CNBD1: variants seen among roughly 807,000 people sequenced by gnomAD.
CNBD1 encodes cyclic nucleotide-binding domain-containing protein 1.
In CNBD1, 71 loss-of-function variants were observed where a neutral mutation model predicts 54.4. The observed-to-expected ratio is 1.30, with a 90% CI of 1.08 to 1.59. The LOEUF (loss-of-function observed/expected upper bound fraction) is 1.59, where lower values mean the gene tolerates loss of function less well. CNBD1 is among the 40% of genes most tolerant of loss of function. The pLI is 0.00. For synonymous variants in CNBD1, 182 were observed against 170.7 expected, an observed-to-expected ratio of 1.07 and a Z score of -0.51; for missense variants, 659 against 518.0, an observed-to-expected ratio of 1.27 and a Z score of -2.64.
intron 3 of CNBD1, among the ~76,000 whole-genome samples, chr8:86,936,777 A>G (rs1164935519): frequency 1.3e-5 from 2 of 151,980 alleles, no homozygotes; most frequent in East Asian, 3.9e-4. Flanking sequence ...AGGGATTAAG[A>G]ATAATCTAAA....
chr8:86,977,483 C>T (rs758063954), intron 4 of CNBD1, among the ~76,000 whole-genome samples: 2 of 151,948 alleles, frequency 1.3e-5, no homozygotes, highest in Non-Finnish European at 2.9e-5. Flanking sequence ...AAACATTTAA[C>T]TAGGTTAGCT....
chr8:86,923,442 A>G (rs1809308515), intron 3 of CNBD1, among the ~76,000 whole-genome samples: 1 of 152,092 alleles, frequency 6.6e-6, no homozygotes. Context: ...ATGGGGAGAT[A>G]CGGTTTTTCC....
chr8:87,003,987 G>A (rs1809044487), intron 4 of CNBD1, among the ~76,000 whole-genome samples: 1 of 152,084 alleles, frequency 6.6e-6, no homozygotes, highest in African/African-American at 2.4e-5. Flanking sequence ...AAAGAACAAG[G>A]AATGAATCTA....
At chr8:87,258,208 G>A (rs569412868) in intron 6 of CNBD1, among the ~76,000 whole-genome samples, 18 of 152,086 alleles carry the variant, frequency 1.2e-4, no homozygotes, top group East Asian at 1.2e-3. Context: ...TATGTTAAAT[G>A]TTTAAAACAC....
In CNBD1 at chr8:86,999,911, C is replaced by T. The variant is rs142237007; in HGVS notation, c.431+60157C>T. Among the ~76,000 whole-genome samples, 105 of 152,298 alleles carry T rather than the reference C, an allele frequency of 6.9e-4. 2 individuals carry two copies. In the East Asian group the frequency reaches 0.015, roughly 22 times the overall value. Reference sequence around the variant, plus strand: ...AGGGGCACAGTTGCTTAGCGTGTTGCGCCCACATATTCTGCAACATTGCAA... The same window carrying T: ...AGGGGCACAGTTGCTTAGCGTGTTGTGCCCACATATTCTGCAACATTGCAA... On this transcript the variant is annotated intron_variant, in intron 4 of 10. Coordinates refer to ENST00000518476, the MANE Select transcript of CNBD1 (RefSeq NM_173538.3).
intron 4 of CNBD1, among the ~76,000 whole-genome samples, chr8:87,054,981 T>G (rs1810384094): frequency 6.6e-6 from 1 of 152,156 alleles, no homozygotes; most frequent in Non-Finnish European, 1.5e-5. Context: ...AGAACAAAAC[T>G]GAGAACGAGA....
chr8:87,370,571 G>C (rs1183809867), intron 10 of CNBD1, among the ~76,000 whole-genome samples: 5 of 151,992 alleles, frequency 3.3e-5, no homozygotes, highest in Non-Finnish European at 7.4e-5. Flanking sequence ...TTTTGATGGG[G>C]TTGTTTGTTT....
At chr8:87,290,000 C>A (rs868061944) in intron 8 of CNBD1, among the ~76,000 whole-genome samples, 6 of 152,134 alleles carry the variant, frequency 3.9e-5, no homozygotes, top group Admixed American at 6.6e-5. Context: ...CATATTAATT[C>A]TTTTAATAAT....
At chr8:87,221,259 G>A (rs1049474691) in intron 5 of CNBD1, among the ~76,000 whole-genome samples, 1 of 152,012 alleles carries the variant, frequency 6.6e-6, no homozygotes, top group Admixed American at 6.6e-5. Flanking sequence ...TGAACATTGT[G>A]TAATTGGTTA....
At chr8:87,193,828 G>A (rs1041028294) in intron 4 of CNBD1, among the ~76,000 whole-genome samples, 1 of 152,172 alleles carries the variant, frequency 6.6e-6, no homozygotes, top group Non-Finnish European at 1.5e-5. Context: ...TAAAGAGAAT[G>A]TTCAGCTCCT....
intron 4 of CNBD1, among the ~76,000 whole-genome samples, chr8:86,968,981 T>C (rs1490048869): frequency 2.0e-5 from 3 of 152,170 alleles, no homozygotes; most frequent in African/African-American, 7.2e-5. Flanking sequence ...ACAAGGAATT[T>C]TCTTGTGGGC....
At chr8:87,342,289 A>T (rs146554667) in intron 8 of CNBD1, among the ~76,000 whole-genome samples, 1 of 151,944 alleles carries the variant, frequency 6.6e-6, no homozygotes, top group Admixed American at 6.5e-5. Context: ...AAAAAAAAAA[A>T]AAAGAAAACT....
At chr8:87,281,040 G>T (rs762879635) in intron 6 of CNBD1, among the ~76,000 whole-genome samples, 1 of 151,346 alleles carries the variant, frequency 6.6e-6, no homozygotes, top group Non-Finnish European at 1.5e-5. Flanking sequence ...TTTAAGAACT[G>T]CTATATTTAT....
chr8:87,202,786 T>C (rs1272833704), intron 4 of CNBD1, among the ~76,000 whole-genome samples: 1 of 152,072 alleles, frequency 6.6e-6, no homozygotes, highest in African/African-American at 2.4e-5. Context: ...GAATTCCAAA[T>C]AGAAGGCCTC....
At chr8:86,870,590 T>C (rs1808430025) in intron 1 of CNBD1, among the ~76,000 whole-genome samples, 1 of 152,214 alleles carries the variant, frequency 6.6e-6, no homozygotes, top group Non-Finnish European at 1.5e-5. Context: ...TGTGTCATCA[T>C]TCCTAAGCGT....
At chr8:87,084,222 A>G (rs912374655) in intron 4 of CNBD1, among the ~76,000 whole-genome samples, 2 of 152,208 alleles carry the variant, frequency 1.3e-5, no homozygotes, top group Non-Finnish European at 2.9e-5. Flanking sequence ...TCTTATAAAG[A>G]CATTTTTAAA....
At chr8:87,114,722 C>T (rs554208282) in intron 4 of CNBD1, among the ~76,000 whole-genome samples, 73 of 152,210 alleles carry the variant, frequency 4.8e-4, no homozygotes, top group African/African-American at 1.7e-3. Context: ...TTGCAAGTAC[C>T]GTGTCTGCTG....
intron 4 of CNBD1, among the ~76,000 whole-genome samples, chr8:87,173,538 A>G (rs1223700151): frequency 1.3e-5 from 2 of 152,160 alleles, no homozygotes; most frequent in Admixed American, 1.3e-4. Context: ...TGTTTGAAGG[A>G]TATTTTCACT....
intron 4 of CNBD1, among the ~76,000 whole-genome samples, chr8:87,048,515 A>G (rs777794202): frequency 4.6e-5 from 7 of 152,120 alleles, no homozygotes; most frequent in Non-Finnish European, 8.8e-5. Flanking sequence ...TCGAGGCACA[A>G]TGTAGATGGT....
Sources: gnomAD v4.1 joint callset for allele counts (sites outside exome capture counted in the v4.1 genomes callset) on GRCh38, gnomAD v4.1.1 for gene constraint, MANE v1.5 for transcripts, NCBI Gene and HGNC (gene_info 2026-07-23, HGNC 2026-07-21) for gene names.